The following GRIP1 variants were observed in gnomAD, a reference collection of about 807,000 sequenced individuals.
The protein encoded by GRIP1 is glutamate receptor-interacting protein 1.
In GRIP1, 45 loss-of-function variants were observed where a neutral mutation model predicts 129.9. That is an observed-to-expected ratio of 0.35 (90% CI 0.27 to 0.44). The LOEUF is 0.44. Ranked by LOEUF, GRIP1 falls within the 20% of genes least tolerant of loss-of-function variation. The pLI, the probability that GRIP1 is intolerant of heterozygous loss-of-function variation, is 1.00. For missense variants in GRIP1, 1,196 were observed against 1,396.8 expected, an observed-to-expected ratio of 0.86 and a Z score of 2.29; for synonymous variants, 530 against 520.8, an observed-to-expected ratio of 1.02 and a Z score of -0.24.
intron 5 of GRIP1, among the ~76,000 whole-genome samples, chr12:66,527,364 A>T (rs1223262313): frequency 6.6e-6 from 1 of 152,122 alleles, no homozygotes; most frequent in Non-Finnish European, 1.5e-5. Context: ...TGATGAGTTC[A>T]TGTCCTTTAT....
At chr12:66,429,500 C>T (rs1267571318) in intron 14 of GRIP1, among the ~76,000 whole-genome samples, 1 of 152,016 alleles carries the variant, frequency 6.6e-6, no homozygotes, top group African/African-American at 2.4e-5. Flanking sequence ...AGTTCAAGAC[C>T]AGCCTGGGCA....
intron 1 of GRIP1, among the ~76,000 whole-genome samples, chr12:66,634,515 T>C (rs1279923654): frequency 1.3e-5 from 2 of 152,138 alleles, no homozygotes; most frequent in African/African-American, 2.4e-5. Flanking sequence ...TTGGAAATGA[T>C]AAAAAATTAC....
At chr12:66,774,496 C>T (rs546711914) in intron 1 of GRIP1, among the ~76,000 whole-genome samples, 1 of 152,298 alleles carries the variant, frequency 6.6e-6, no homozygotes, top group African/African-American at 2.4e-5. Flanking sequence ...TGGAATGTAA[C>T]AGGGACACAC....
chr12:66,363,199 C>CTATATATATA lies in GRIP1; in HGVS notation c.3012+8494_3012+8495insTATATATATA, dbSNP rs1565666323. On this transcript the variant is annotated intron_variant, in intron 23 of 24. Coordinates refer to ENST00000359742, the MANE Select transcript of GRIP1 (RefSeq NM_001366722.1). ...TATATGTATATATGTGTGTGTGTGT[C>CTATATATATA]CATATATATATATATATATATATAT... 1.8e-3 allele frequency among the ~76,000 whole-genome samples: 62 copies of CTATATATATA among 35,332 alleles called. 6 individuals are homozygous for CTATATATATA. Among genetic ancestry groups the CTATATATATA allele is most frequent in the African/African-American group, 4.4e-3 (58 of 13,190 alleles). 23.2% of individuals were successfully genotyped at this position (35,332 alleles called of 152,430 possible).
intron 1 of GRIP1, among the ~76,000 whole-genome samples, chr12:66,666,089 C>G (rs111889268): frequency 0.028 from 4,259 of 152,216 alleles, 96 homozygotes; most frequent in South Asian, 0.036. Context: ...ATGTAACTAT[C>G]TTTATACTGT....
At chr12:66,945,316 A>G (rs1306747329) in intron 1 of GRIP1, among the ~76,000 whole-genome samples, 1 of 152,192 alleles carries the variant, frequency 6.6e-6, no homozygotes, top group East Asian at 1.9e-4. Context: ...TCACTACAAA[A>G]ACATTTATGT....
chr12:66,625,200 A>G (rs188888413), intron 1 of GRIP1, among the ~76,000 whole-genome samples: 4 of 152,244 alleles, frequency 2.6e-5, no homozygotes, highest in African/African-American at 9.6e-5. Flanking sequence ...TTTAAGTTGC[A>G]TATATTATAA....
intron 11 of GRIP1, among the ~76,000 whole-genome samples, chr12:66,454,067 T>C (rs1201022082): frequency 6.6e-6 from 1 of 152,218 alleles, no homozygotes; most frequent in Non-Finnish European, 1.5e-5. Flanking sequence ...TGTAAAAGTA[T>C]GTGCAAGTCT....
rs183968301 is a variant in GRIP1 at position 66,988,185 on chromosome 12, C to T, written c.58+80865G>A. The stretch of plus-strand genomic sequence containing the variant: ...TTCTTGATAGTGTGAAATAATAGTG[C>T]TAGTTAATTCTTTCTTTTAATCTAA... On this transcript the variant is annotated intron_variant, in intron 1 of 1. Coordinates refer to the GRIP1 transcript ENST00000643019. Among the ~76,000 whole-genome samples the T allele has an allele frequency of 8.3e-4, 127 of 152,172 alleles. 2 individuals carry two copies. The highest frequency in any genetic ancestry group is 2.9e-3 in the African/African-American group (122 of 41,512).
At chr12:66,396,143 C>G (rs1474336330) in intron 16 of GRIP1, among the ~76,000 whole-genome samples, 1 of 152,204 alleles carries the variant, frequency 6.6e-6, no homozygotes, top group Non-Finnish European at 1.5e-5. Context: ...CTGCTGGACA[C>G]TCTGTGTGGG....
At chr12:66,527,220 T>C (rs1283455037) in intron 5 of GRIP1, among the ~76,000 whole-genome samples, 1 of 150,552 alleles carries the variant, frequency 6.6e-6, no homozygotes, top group East Asian at 1.9e-4. Flanking sequence ...TAAAGACACA[T>C]GCACACGTAT....
intron 1 of GRIP1, among the ~76,000 whole-genome samples, chr12:66,663,422 C>T (rs899200368): frequency 2.6e-4 from 40 of 152,096 alleles, no homozygotes; most frequent in African/African-American, 9.2e-4. Context: ...CCTCTTTCAC[C>T]ATCTGGGGGG....
chr12:66,714,655 C>T (rs1392144826), intron 1 of GRIP1, among the ~76,000 whole-genome samples: 7 of 152,008 alleles, frequency 4.6e-5, no homozygotes, highest in Admixed American at 3.9e-4. Context: ...ATGAACATTA[C>T]CTTCTTCAGT....
In GRIP1 at chr12:66,610,114, C is replaced by T. The variant is rs145996166; in HGVS notation, c.56-13187G>A. Among the ~76,000 whole-genome samples, 824 of 151,998 alleles carry T rather than the reference C, an allele frequency of 5.4e-3. 1 individual carries two copies. Among genetic ancestry groups the T allele is most frequent in the African/African-American group, 9.2e-3 (382 of 41,502 alleles). On this transcript the variant is annotated intron_variant, in intron 1 of 24. Coordinates refer to ENST00000359742, the MANE Select transcript of GRIP1 (RefSeq NM_001366722.1). ...ATTTTTATGAAATACAATATTGATA[C>T]GCAAATCAGTCAGAATTTTTGTGTA...
rs115677541 is a variant in GRIP1, at chr12:66,394,830, G to A, written c.1985-478C>T. Among the ~76,000 whole-genome samples the A allele has an allele frequency of 6.5e-3, 995 of 152,298 alleles. 14 individuals carry two copies. Among genetic ancestry groups the A allele is most frequent in the African/African-American group, 0.023 (958 of 41,550 alleles). On this transcript the variant is annotated intron_variant, in intron 16 of 24. Coordinates refer to ENST00000359742, the MANE Select transcript of GRIP1 (RefSeq NM_001366722.1). Reference sequence around the variant, plus strand: ...TTTGATATAGAAAAGTGGATTTTGCGAAGGGTTGGAACAAATAACATATAT... The same window carrying A: ...TTTGATATAGAAAAGTGGATTTTGCAAAGGGTTGGAACAAATAACATATAT...
At chr12:66,383,528 G>A (rs926965066) in intron 19 of GRIP1, among the ~76,000 whole-genome samples, 2 of 152,114 alleles carry the variant, frequency 1.3e-5, no homozygotes, top group Admixed American at 1.3e-4. Context: ...TACCCAACTG[G>A]TGAGTTTTGG....
chr12:66,679,017 G>A lies in GRIP1; in HGVS notation c.-113C>T, dbSNP rs952435283. ...ACATACCAGGAGAAAGGTAGTCCCA[G>A]TGGGGAGTGACAAAGCTTAATTCCT... On this transcript the variant is annotated 5_prime_UTR_variant, in exon 1 of 25. Coordinates refer to ENST00000359742, the MANE Select transcript of GRIP1 (RefSeq NM_001366722.1). The A allele has an allele frequency of 2.5e-5, 40 of 1,577,426 alleles. No homozygotes were observed. The highest frequency in any genetic ancestry group is 3.3e-5 in the Non-Finnish European group (38 of 1,160,682).
At chr12:66,588,988 T>TAAATAAA (rs1565890387) in intron 2 of GRIP1, among the ~76,000 whole-genome samples, 1 of 145,766 alleles carries the variant, frequency 6.9e-6, no homozygotes, top group African/African-American at 2.5e-5. Flanking sequence ...AAAAAAAAAA[T>TAAATAAA]TAAATAAATA....
intron 1 of GRIP1, among the ~76,000 whole-genome samples, chr12:66,816,711 C>T (rs1341029997): frequency 1.3e-5 from 2 of 152,086 alleles, no homozygotes; most frequent in Admixed American, 1.3e-4. Context: ...AGATGACTAA[C>T]AGCCTTCTTT....
Sources: gnomAD v4.1 joint callset for allele counts (sites outside exome capture counted in the v4.1 genomes callset) on GRCh38, gnomAD v4.1.1 for gene constraint, MANE v1.5 for transcripts, NCBI Gene and HGNC (gene_info 2026-07-23, HGNC 2026-07-21) for gene names.